Variants in LIPC observed in about 807,000 individuals in gnomAD.
LIPC encodes the protein hepatic triacylglycerol lipase.
LIPC carries 44 observed loss-of-function variants against 50.7 expected under a neutral mutation model. The observed-to-expected ratio is 0.87, with a 90% CI of 0.68 to 1.11. The LOEUF (loss-of-function observed/expected upper bound fraction) is 1.11. LIPC is among the 50% of genes most tolerant of loss of function. The probability of loss-of-function intolerance (pLI) is 0.00; values close to 1 mark genes in which losing one functional copy is unlikely to be tolerated. For missense variants in LIPC, 697 were observed against 648.2 expected, an observed-to-expected ratio of 1.08 and a Z score of -0.82; for synonymous variants, 271 against 256.4, an observed-to-expected ratio of 1.06 and a Z score of -0.54.
intron 1 of LIPC, among the ~76,000 whole-genome samples, chr15:58,457,275 A>G (rs1236775940): frequency 6.6e-6 from 1 of 152,064 alleles, no homozygotes; most frequent in Non-Finnish European, 1.5e-5. Context: ...ACGCCTGGCT[A>G]ATTTTTGTAT....
chr15:58,518,419 T>C (rs1225765988), intron 1 of LIPC, among the ~76,000 whole-genome samples: 1 of 152,096 alleles, frequency 6.6e-6, no homozygotes, highest in Non-Finnish European at 1.5e-5. Flanking sequence ...TACCAGTGAG[T>C]CTGGGACCAC....
At chr15:58,474,676 C>A (rs1335092128) in intron 1 of LIPC, among the ~76,000 whole-genome samples, 1 of 152,188 alleles carries the variant, frequency 6.6e-6, no homozygotes, top group African/African-American at 2.4e-5. Flanking sequence ...AGCATCCCTG[C>A]GTGGAGGTAC....
intron 1 of LIPC, among the ~76,000 whole-genome samples, chr15:58,524,923 T>G (rs1892758277): frequency 6.6e-6 from 1 of 152,212 alleles, no homozygotes; most frequent in Admixed American, 6.5e-5. Flanking sequence ...GTTTTTTGTT[T>G]GCTTTAATGT....
chr15:58,471,523 T>TACA (rs1890806242), intron 1 of LIPC, among the ~76,000 whole-genome samples: 1 of 152,142 alleles, frequency 6.6e-6, no homozygotes, highest in African/African-American at 2.4e-5. Flanking sequence ...ACTCTAAGAT[T>TACA]ACATCAGGCT....
At chr15:58,432,330 T>C in intron 1 of LIPC, 1 of 602,344 alleles carries the variant, frequency 1.7e-6, no homozygotes, top group Non-Finnish European at 3.0e-6. Flanking sequence ...GGATTAAAAG[T>C]CTTCTAAGAG....
chr15:58,497,397 G>T (rs72740899), intron 1 of LIPC, among the ~76,000 whole-genome samples: 1 of 152,144 alleles, frequency 6.6e-6, no homozygotes, highest in East Asian at 1.9e-4. Flanking sequence ...AGGAGAAGGG[G>T]TCTCTGAGCC....
At position 58,469,140 on chromosome 15, in the gene LIPC, G is replaced by GTT. The variant is rs1192538626; in HGVS notation, c.88+37021_88+37022insTT. The stretch of plus-strand genomic sequence containing the variant: ...TGTGTGTGTGTGTGTGTGTGTGTGT[G>GTT]TGTACGCCTTAAGAGACTGGATCTC... On this transcript the variant is annotated intron_variant, in intron 1 of 8. Transcript: ENST00000299022. 1.4e-4 allele frequency among the ~76,000 whole-genome samples: 21 copies of GTT among 148,178 alleles called. 1 individual carries two copies. The highest frequency in any genetic ancestry group is 1.2e-3 in the Admixed American group (18 of 14,930).
At chr15:58,452,665 AG>A (rs1381110919) in intron 1 of LIPC, among the ~76,000 whole-genome samples, 2 of 126,930 alleles carry the variant, frequency 1.6e-5, no homozygotes, top group Non-Finnish European at 3.2e-5. Context: ...TGCAGTGGGG[AG>A]GGGATAGGAT....
intron 1 of LIPC, among the ~76,000 whole-genome samples, chr15:58,535,486 A>G (rs913872501): frequency 2.4e-4 from 37 of 152,150 alleles, no homozygotes; most frequent in African/African-American, 8.7e-4. Context: ...CCATCTGACA[A>G]CTGTTTTCCA....
chr15:58,485,154 C>T (rs1325514498), intron 1 of LIPC, among the ~76,000 whole-genome samples: 1 of 152,126 alleles, frequency 6.6e-6, no homozygotes, highest in African/African-American at 2.4e-5. Context: ...ATCACTTGGG[C>T]TGACATGTAG....
intron 1 of LIPC, among the ~76,000 whole-genome samples, chr15:58,525,641 G>C (rs1212724992): frequency 2.0e-5 from 3 of 152,202 alleles, no homozygotes; most frequent in African/African-American, 7.2e-5. Flanking sequence ...CGGTGTTCTG[G>C]GGAAAGGCCA....
intron 5 of LIPC, among the ~76,000 whole-genome samples, chr15:58,547,901 C>G (rs886066827): frequency 6.6e-6 from 1 of 152,112 alleles, no homozygotes; most frequent in Non-Finnish European, 1.5e-5. Flanking sequence ...GAGTCCCACG[C>G]AAGCCTGTTC....
chr15:58,533,224 A>T (rs1208965160), intron 1 of LIPC: 3 of 944,508 alleles, frequency 3.2e-6, no homozygotes, highest in Non-Finnish European at 3.8e-6. Context: ...AGCTTATCCA[A>T]TATGGAACCA....
At chr15:58,495,386 C>T (rs1360639700) in intron 1 of LIPC, among the ~76,000 whole-genome samples, 8 of 152,224 alleles carry the variant, frequency 5.3e-5, no homozygotes, top group African/African-American at 1.4e-4. Flanking sequence ...TTCATAGAAT[C>T]TGTTTCTCTC....
At chr15:58,439,782 G>C (rs1392439703) in intron 1 of LIPC, among the ~76,000 whole-genome samples, 4 of 152,210 alleles carry the variant, frequency 2.6e-5, no homozygotes, top group Admixed American at 6.5e-5. Flanking sequence ...TAACTACAGA[G>C]TTGCTGATTC....
chr15:58,469,777 T>C (rs1894717456), intron 1 of LIPC, among the ~76,000 whole-genome samples: 1 of 152,136 alleles, frequency 6.6e-6, no homozygotes, highest in African/African-American at 2.4e-5. Flanking sequence ...TTCCAGTTAC[T>C]AACAAAGCTC....
In LIPC at chr15:58,489,222, GCGGGGGGGC is replaced by G. The variant is rs772162074; in HGVS notation, c.89-49110_89-49102del. 2.1e-5 allele frequency among the ~76,000 whole-genome samples: 2 copies of G among 93,074 alleles called. 1 individual carries two copies. The highest frequency in any genetic ancestry group is 1.0e-4 in the African/African-American group (2 of 19,610). 61.1% of individuals were successfully genotyped at this position (93,074 alleles called of 152,430 possible). A position where few individuals can be genotyped will look rare whatever the true frequency, so the allele number is the denominator to read the frequency against. On this transcript the variant is annotated intron_variant, in intron 1 of 8. Transcript: ENST00000299022. ...ATTAGGGATTCATTTTGTTGCGGGG[GCGGGGGGGC>G]GGCTTACAAGCTTCCCAGGGTTCAG...
chr15:58,547,319 G>A (rs1490071895), intron 5 of LIPC, among the ~76,000 whole-genome samples: 1 of 152,164 alleles, frequency 6.6e-6, no homozygotes, highest in African/African-American at 2.4e-5. Flanking sequence ...GTGAGTTAGT[G>A]GATGTCTTGG....
chr15:58,483,640 A>G (rs1891266200), intron 1 of LIPC, among the ~76,000 whole-genome samples: 1 of 152,160 alleles, frequency 6.6e-6, no homozygotes, highest in African/African-American at 2.4e-5. Flanking sequence ...TACTTCATCT[A>G]TTTTCTAAGT....
Sources: allele counts gnomAD v4.1 joint callset (sites outside exome capture counted in the v4.1 genomes callset), GRCh38; gene constraint gnomAD v4.1.1; transcripts MANE v1.5; gene names NCBI Gene and HGNC (gene_info 2026-07-23, HGNC 2026-07-21).